The following MIB1 variants were observed in gnomAD, a reference collection of about 807,000 sequenced individuals.
MIB1 encodes E3 ubiquitin-protein ligase MIB1.
Under a neutral mutation model 124.5 loss-of-function variants are expected in MIB1, and 278 were observed. The ratio of observed to expected loss-of-function variants is 2.23; its 90% CI spans 2.02 to 2.47. The LOEUF (loss-of-function observed/expected upper bound fraction) is 2.47, where lower values mean the gene tolerates loss of function less well. Among genes scored for constraint, MIB1 ranks in the 30% most tolerant of loss-of-function variants. The probability of loss-of-function intolerance (pLI) is 0.00; values close to 1 mark genes in which losing one functional copy is unlikely to be tolerated. For synonymous variants in MIB1, 446 were observed against 429.4 expected, an observed-to-expected ratio of 1.04 and a Z score of -0.48; for missense variants, 957 against 1,254.4, an observed-to-expected ratio of 0.76 and a Z score of 3.58.
chr18:21,842,385 C>G (rs1019694611), intron 13 of MIB1, among the ~76,000 whole-genome samples: 3 of 152,080 alleles, frequency 2.0e-5, no homozygotes, highest in African/African-American at 7.2e-5. Context: ...ATTTGCTAGG[C>G]ATTTTCATAT....
At chr18:21,779,384 T>C (rs1410654387) in intron 5 of MIB1, 97 bp from the exon 6 acceptor site, 1 of 980,814 alleles carries the variant, frequency 1.0e-6, no homozygotes, top group Non-Finnish European at 1.6e-6. Flanking sequence ...AGATGGTACC[T>C]GAAACTAAAA....
At chr18:21,799,201 G>A (rs2041621897) in intron 8 of MIB1, among the ~76,000 whole-genome samples, 1 of 152,008 alleles carries the variant, frequency 6.6e-6, no homozygotes, top group Non-Finnish European at 1.5e-5. Context: ...AGGAGTTAGA[G>A]CTTTGTAGCT....
At chr18:21,737,575 C>T (rs2041315843), upstream of MIB1, among the ~76,000 whole-genome samples, 1 of 152,154 alleles carries the variant, frequency 6.6e-6, no homozygotes, top group Admixed American at 6.5e-5. Flanking sequence ...TTAAAAGACA[C>T]ACACTGGCAA....
intron 1 of MIB1, among the ~76,000 whole-genome samples, chr18:21,735,686 G>A (rs1354546894): frequency 2.0e-5 from 3 of 152,156 alleles, no homozygotes; most frequent in South Asian, 2.1e-4. Context: ...AAGCTTGGTC[G>A]GGGGGAGGGG....
rs2042345223 is a variant in MIB1, at chr18:21,870,096, G to T, written c.*5430G>T. 2 of 152,470 alleles carry T rather than the reference G, an allele frequency of 1.3e-5. No individual in the cohort carries two copies. The highest frequency in any genetic ancestry group is 4.8e-5 in the African/African-American group (2 of 41,428). 9.4% of individuals were successfully genotyped at this position (152,470 alleles called of 1,614,324 possible). ...TTCTTGCTTATTAGCTTTTGTTAAA[G>T]AATGCTTAGTAAGAGCTAAGCTTTT... On this transcript the variant is annotated 3_prime_UTR_variant, in exon 21 of 21. Transcript: ENST00000261537.
intron 12 of MIB1, chr18:21,827,973 A>T (rs2146488500): frequency 6.6e-6 from 1 of 152,130 alleles, no homozygotes; most frequent in East Asian, 1.9e-4. Flanking sequence ...CTTATTTTCT[A>T]ACTTTGTCAT....
intron 6 of MIB1, among the ~76,000 whole-genome samples, chr18:21,780,021 A>G (rs976726701): frequency 6.6e-6 from 1 of 152,156 alleles, no homozygotes; most frequent in Admixed American, 6.6e-5. Flanking sequence ...CTGTGTTCGT[A>G]TTGGACTATA....
At chr18:21,780,681 C>G (rs1317267934) in intron 6 of MIB1, among the ~76,000 whole-genome samples, 1 of 152,180 alleles carries the variant, frequency 6.6e-6, no homozygotes, top group African/African-American at 2.4e-5. Flanking sequence ...CTCCTGGTCT[C>G]AAGTGATGTT....
At chr18:21,749,734 A>G (rs925231988) in intron 1 of MIB1, among the ~76,000 whole-genome samples, 1 of 140,360 alleles carries the variant, frequency 7.1e-6, no homozygotes, top group African/African-American at 2.8e-5. Context: ...TCTGCCTCCC[A>G]GGTTCAAGTG....
chr18:21,864,196 T>G (rs981839939), intron 20 of MIB1, among the ~76,000 whole-genome samples: 3 of 152,052 alleles, frequency 2.0e-5, no homozygotes, highest in Non-Finnish European at 4.4e-5. Flanking sequence ...CTGCAATCTC[T>G]GCTGCCCGCG....
chr18:21,779,294 G>C (rs1488247340), intron 5 of MIB1, among the ~76,000 whole-genome samples, 187 bp from the exon 6 acceptor site: 1 of 151,624 alleles, frequency 6.6e-6, no homozygotes, highest in Non-Finnish European at 1.5e-5. Context: ...GAGTCTGTTT[G>C]GCTTTTTTCT....
At chr18:21,823,989 G>C (rs2041902811) in intron 12 of MIB1, among the ~76,000 whole-genome samples, 1 of 152,114 alleles carries the variant, frequency 6.6e-6, no homozygotes, top group African/African-American at 2.4e-5. Flanking sequence ...CTGTAAAGAT[G>C]CTGCATTTTT....
chr18:21,750,989 G>A (rs1268142486), intron 1 of MIB1, among the ~76,000 whole-genome samples: 1 of 151,902 alleles, frequency 6.6e-6, no homozygotes. Context: ...TTGAGCCCAG[G>A]GATTTGAGAC....
chr18:21,719,740 A>C (rs2040706258), intron 1 of MIB1, among the ~76,000 whole-genome samples: 1 of 151,758 alleles, frequency 6.6e-6, no homozygotes, highest in Non-Finnish European at 1.5e-5. Context: ...TACAGGCATG[A>C]GCCACTGTGC....
intron 1 of MIB1, among the ~76,000 whole-genome samples, chr18:21,743,554 T>G (rs1391421899): frequency 1.3e-5 from 2 of 152,256 alleles, no homozygotes; most frequent in African/African-American, 4.8e-5. Flanking sequence ...AGATGTTGAC[T>G]AATTGCTTTT....
Position 21,847,047 on chromosome 18 carries a change from A to T in MIB1, c.2315A>T (p.Lys772Met). Reference protein sequence around the residue: ...NGADLSIRNKKGQSPLDLCPD... With the variant: ...NGADLSIRNKMGQSPLDLCPD... ...GCTGACCTGAGCATTCGAAATAAGA[A>T]GGGTCAATCGCCACTTGATCTCTGT... The change falls in exon 16 of 21, where the codon AAG (lysine) becomes ATG (methionine). Residue 772 changes from lysine to methionine, a missense_variant. Coordinates refer to ENST00000261537, the MANE Select transcript of MIB1 (RefSeq NM_020774.4). 1 of 1,614,178 alleles carries T rather than the reference A, an allele frequency of 6.2e-7. No homozygotes were observed. Among genetic ancestry groups the T allele is most frequent in the Non-Finnish European group, 8.5e-7 (1 of 1,180,030 alleles).
At chr18:21,747,507 T>G (rs1280904169) in intron 1 of MIB1, among the ~76,000 whole-genome samples, 2 of 152,184 alleles carry the variant, frequency 1.3e-5, no homozygotes, top group African/African-American at 4.8e-5. Flanking sequence ...TTTGTCTACT[T>G]GAGATGCCCT....
At chr18:21,705,705 A>G (rs939269705) in intron 1 of MIB1, among the ~76,000 whole-genome samples, 1 of 152,198 alleles carries the variant, frequency 6.6e-6, no homozygotes. Flanking sequence ...TTAGATGGGG[A>G]CATGAGACGG....
intron 3 of MIB1, among the ~76,000 whole-genome samples, chr18:21,771,192 A>G (rs1010803460): frequency 6.6e-6 from 1 of 152,196 alleles, no homozygotes; most frequent in Non-Finnish European, 1.5e-5. Flanking sequence ...AAATTACTGT[A>G]GTTATTTTCT....
Sources: allele counts gnomAD v4.1 joint callset (sites outside exome capture counted in the v4.1 genomes callset), GRCh38; gene constraint gnomAD v4.1.1; transcripts MANE v1.5; gene names NCBI Gene and HGNC (gene_info 2026-07-23, HGNC 2026-07-21).